The following METTL15 variants were observed in gnomAD, a reference collection of about 807,000 sequenced individuals.
METTL15 encodes methyltransferase 15, mitochondrial 12S rRNA N4-cytidine.
Under a neutral mutation model 38.3 loss-of-function variants are expected in METTL15, and 34 were observed. The observed-to-expected ratio is 0.89, with a 90% CI of 0.68 to 1.18. METTL15 has a LOEUF of 1.18. Among genes scored for constraint, METTL15 ranks in the 50% most tolerant of loss-of-function variants. METTL15 has a pLI of 0.00. For missense variants in METTL15, 438 were observed against 498.4 expected, an observed-to-expected ratio of 0.88 and a Z score of 1.15; for synonymous variants, 162 against 170.9, an observed-to-expected ratio of 0.95 and a Z score of 0.41.
intron 5 of METTL15, among the ~76,000 whole-genome samples, chr11:28,385,005 G>T (rs1375419818): frequency 6.6e-6 from 1 of 152,010 alleles, no homozygotes; most frequent in East Asian, 1.9e-4. Flanking sequence ...ATGGTTTCTT[G>T]TACATTTATT....
At chr11:28,129,802 G>A (rs971276590) in intron 3 of METTL15, among the ~76,000 whole-genome samples, 1 of 152,140 alleles carries the variant, frequency 6.6e-6, no homozygotes, top group Non-Finnish European at 1.5e-5. Context: ...TTTGCATTGT[G>A]TTGGGGGATC....
chr11:28,531,174 A>G (rs1182856060), downstream of METTL15, among the ~76,000 whole-genome samples: 3 of 152,042 alleles, frequency 2.0e-5, no homozygotes, highest in Non-Finnish European at 4.4e-5. Flanking sequence ...GCAATTGATT[A>G]CTATATAATC....
chr11:28,374,573 G>A (rs370949073), intron 5 of METTL15, among the ~76,000 whole-genome samples: 18,161 of 89,620 alleles, frequency 0.2, 1,846 homozygotes, highest in Middle Eastern at 0.32. Context: ...GGACTGAGAC[G>A]ATGGGGTTTT....
chr11:28,210,358 TTTC>T (rs1311745177), intron 3 of METTL15, among the ~76,000 whole-genome samples: 1 of 151,948 alleles, frequency 6.6e-6, no homozygotes, highest in Non-Finnish European at 1.5e-5. Context: ...GGTATCTTCT[TTTC>T]TTCTTCATTT....
intron 3 of METTL15, among the ~76,000 whole-genome samples, chr11:28,187,281 T>C (rs1480709449): frequency 1.3e-5 from 2 of 151,272 alleles, no homozygotes; most frequent in African/African-American, 4.8e-5. Flanking sequence ...GCTTTGAGTA[T>C]CTTTGTTGTT....
At chr11:28,147,656 TCCCTAA>T (rs1351365334) in intron 3 of METTL15, among the ~76,000 whole-genome samples, 9 of 151,814 alleles carry the variant, frequency 5.9e-5, no homozygotes, top group African/African-American at 2.2e-4. Context: ...TTGTTCATTA[TCCCTAA>T]GTTCTGATGA....
At chr11:28,198,863 A>C (rs941836885) in intron 3 of METTL15, among the ~76,000 whole-genome samples, 3 of 152,198 alleles carry the variant, frequency 2.0e-5, no homozygotes, top group African/African-American at 7.2e-5. Flanking sequence ...GACAGAAAAC[A>C]TGCAGAGCCT....
intron 4 of METTL15, among the ~76,000 whole-genome samples, chr11:28,273,379 A>G (rs937322176): frequency 2.2e-4 from 34 of 152,250 alleles, no homozygotes; most frequent in African/African-American, 7.9e-4. Context: ...TTACTGCAAG[A>G]AAATGTGTTA....
chr11:28,327,960 A>G (rs1332530637), intron 6 of METTL15: 16 of 833,906 alleles, frequency 1.9e-5, no homozygotes, highest in Admixed American at 1.1e-4. Context: ...AATTTCTGCA[A>G]AATATCAAAG....
intron 6 of METTL15, among the ~76,000 whole-genome samples, chr11:28,466,744 C>T (rs559369252): frequency 4.8e-4 from 73 of 152,242 alleles, no homozygotes; most frequent in African/African-American, 1.6e-3. Flanking sequence ...TCTGCTCTGC[C>T]GCAGGCTAGT....
At chr11:28,418,912 A>G (rs1850796511) in intron 5 of METTL15, among the ~76,000 whole-genome samples, 2 of 152,264 alleles carry the variant, frequency 1.3e-5, no homozygotes, top group South Asian at 4.1e-4. Context: ...AGTGGTCAGA[A>G]CTTAAGTTTC....
intron 6 of METTL15, among the ~76,000 whole-genome samples, chr11:28,458,971 A>C (rs1293110744): frequency 6.6e-6 from 1 of 152,164 alleles, no homozygotes; most frequent in African/African-American, 2.4e-5. Flanking sequence ...TGACATGTTC[A>C]TATACCTCCT....
At chr11:28,291,000 G>C (rs1242118028) in intron 5 of METTL15, among the ~76,000 whole-genome samples, 4 of 150,436 alleles carry the variant, frequency 2.7e-5, no homozygotes, top group African/African-American at 9.8e-5. Context: ...AAATAGATTA[G>C]ATAACACAAA....
chr11:28,520,496 TTGTC>T (rs2133511106), intron 6 of METTL15, among the ~76,000 whole-genome samples: 1 of 152,278 alleles, frequency 6.6e-6, no homozygotes, highest in Admixed American at 6.5e-5. Flanking sequence ...CTACATCACT[TTGTC>T]TGGTGCCAGC....
chr11:28,418,729 T>C (rs963806814), intron 5 of METTL15, among the ~76,000 whole-genome samples: 1 of 152,188 alleles, frequency 6.6e-6, no homozygotes, highest in African/African-American at 2.4e-5. Context: ...CCCATCCTTC[T>C]GCAGTGGCTA....
Position 28,447,548 on chromosome 11 carries a change from C to CT in METTL15, c.*424+23192dup, listed in dbSNP as rs1042045012. On this transcript the variant is annotated intron_variant and NMD_transcript_variant, in intron 6 of 7. Coordinates refer to the METTL15 transcript ENST00000532947. ...TTTTCCCACAGTTTAGTGGGTTTTTCTTTTTTTTGTGCCACAGAAACCAAT... is the reference window on the plus strand; with the variant it reads ...TTTTCCCACAGTTTAGTGGGTTTTTCTTTTTTTTTGTGCCACAGAAACCAAT... Among the ~76,000 whole-genome samples the CT allele has an allele frequency of 8.6e-4, 131 of 151,568 alleles. 2 individuals carry two copies. In the South Asian group the frequency reaches 0.02, roughly 23 times the overall value.
At chr11:28,424,999 G>A (rs1169750351) in intron 6 of METTL15, among the ~76,000 whole-genome samples, 1 of 152,156 alleles carries the variant, frequency 6.6e-6, no homozygotes, top group Non-Finnish European at 1.5e-5. Flanking sequence ...TCTATACAGA[G>A]CATGGAAATA....
chr11:28,123,251 A>G (rs1281967555), intron 3 of METTL15, among the ~76,000 whole-genome samples: 4 of 152,134 alleles, frequency 2.6e-5, no homozygotes, highest in African/African-American at 9.7e-5. Flanking sequence ...TAGTCTAATC[A>G]TAGTTACTGC....
At chr11:28,169,809 TC>T (rs34958275) in intron 3 of METTL15, among the ~76,000 whole-genome samples, 37,561 of 151,944 alleles carry the variant, frequency 0.25, 4,882 homozygotes, top group African/African-American at 0.29. Context: ...TAATGCAAAC[TC>T]CTACTAGATA....
Sources: gnomAD v4.1 joint callset for allele counts (sites outside exome capture counted in the v4.1 genomes callset) on GRCh38, gnomAD v4.1.1 for gene constraint, MANE v1.5 for transcripts, NCBI Gene and HGNC (gene_info 2026-07-23, HGNC 2026-07-21) for gene names.